CDYL: variants seen among roughly 807,000 people sequenced by gnomAD.
CDYL encodes chromodomain Y-like protein.
A neutral mutation model predicts 47.3 loss-of-function variants in CDYL; 8 were observed. The observed-to-expected ratio is 0.17, with a 90% CI of 0.10 to 0.31. CDYL has a LOEUF of 0.31. Ranked by LOEUF, CDYL falls within the 10% of genes least tolerant of loss-of-function variation. CDYL has a pLI of 1.00. For synonymous variants in CDYL, 266 were observed against 265.0 expected (o/e 1.00, Z -0.04); for missense variants, 471 against 701.4 (o/e 0.67, Z 3.71).
chr6:4,867,035 G>T (rs1188308054), intron 1 of CDYL, among the ~76,000 whole-genome samples: 1 of 152,070 alleles, frequency 6.6e-6, no homozygotes, highest in Non-Finnish European at 1.5e-5. Context: ...CCCATCATCA[G>T]TCGCCTAGCA....
chr6:4,851,773 C>T (rs1196850285), intron 1 of CDYL, among the ~76,000 whole-genome samples: 1 of 152,204 alleles, frequency 6.6e-6, no homozygotes, highest in Non-Finnish European at 1.5e-5. Flanking sequence ...AGAAGATGCA[C>T]ATGGCTGTCA....
In CDYL at chr6:4,894,927, G is replaced by GTATGTGTGCA. The variant is rs1561692465; in HGVS notation, c.691+2556_691+2557insCATATGTGTG. Among the ~76,000 whole-genome samples the GTATGTGTGCA allele has an allele frequency of 2.0e-5, 3 of 146,616 alleles. No homozygotes were observed. In the East Asian group the frequency reaches 6.2e-4, roughly 30 times the overall value. ...CGTACGTGTGTATATATACACATAT[G>GTATGTGTGCA]TATGTGTGTATATGTGTATGCATGT... On this transcript the variant is annotated intron_variant, in intron 2 of 6. Coordinates refer to ENST00000397588, the MANE Select transcript of CDYL (RefSeq NM_004824.4).
At chr6:4,814,314 A>G (rs972738549) in intron 1 of CDYL, among the ~76,000 whole-genome samples, 6 of 152,166 alleles carry the variant, frequency 3.9e-5, no homozygotes, top group Admixed American at 6.5e-5. Context: ...TAGAGTTGAA[A>G]TCATGAGAGG....
At chr6:4,826,621 G>C (rs1759989482) in intron 1 of CDYL, among the ~76,000 whole-genome samples, 1 of 152,146 alleles carries the variant, frequency 6.6e-6, no homozygotes, top group Admixed American at 6.5e-5. Flanking sequence ...GGTTGTTGAA[G>C]GAGGGTGTTG....
chr6:4,860,191 A>G (rs910112436), intron 1 of CDYL, among the ~76,000 whole-genome samples: 2 of 152,012 alleles, frequency 1.3e-5, no homozygotes, highest in African/African-American at 4.8e-5. Context: ...GTGAGCCACC[A>G]CGCCCAGCCA....
intron 2 of CDYL, among the ~76,000 whole-genome samples, chr6:4,918,536 C>G (rs931599262): frequency 1.3e-5 from 2 of 152,114 alleles, no homozygotes; most frequent in South Asian, 4.1e-4. Flanking sequence ...TCCCTATATG[C>G]TTAGTTAGAA....
intron 2 of CDYL, among the ~76,000 whole-genome samples, chr6:4,719,660 G>A (rs1282217068): frequency 6.6e-6 from 1 of 152,188 alleles, no homozygotes; most frequent in African/African-American, 2.4e-5. Context: ...GATGATGGGG[G>A]TTGATCCTTG....
At chr6:4,944,715 G>A (rs1758460959) in intron 5 of CDYL, among the ~76,000 whole-genome samples, 1 of 152,212 alleles carries the variant, frequency 6.6e-6, no homozygotes, top group Admixed American at 6.5e-5. Flanking sequence ...GCCAGAACCT[G>A]AAATGTTTAA....
chr6:4,765,778 G>A (rs1357451769), intron 3 of CDYL, among the ~76,000 whole-genome samples: 1 of 152,042 alleles, frequency 6.6e-6, no homozygotes, highest in East Asian at 1.9e-4. Context: ...TGGCCAGGCT[G>A]GTCTCGAACT....
chr6:4,723,545 C>T (rs1757414761), intron 2 of CDYL, among the ~76,000 whole-genome samples: 1 of 152,146 alleles, frequency 6.6e-6, no homozygotes, highest in South Asian at 2.1e-4. Context: ...CCTGAAAAGG[C>T]AGAGGAGGCT....
At chr6:4,952,797 T>G (rs1265128177) in intron 6 of CDYL, among the ~76,000 whole-genome samples, 2 of 152,064 alleles carry the variant, frequency 1.3e-5, no homozygotes, top group African/African-American at 2.4e-5. Flanking sequence ...AGATGGAGTC[T>G]CACTCTGTCG....
At chr6:4,736,659 C>CT (rs112053760) in intron 3 of CDYL, among the ~76,000 whole-genome samples, 2,893 of 144,296 alleles carry the variant, frequency 0.02, 23 homozygotes, top group Non-Finnish European at 0.026. Context: ...TGCTACTCAG[C>CT]TTTTTTTTTT....
At position 4,920,750 on chromosome 6, in the gene CDYL, G is replaced by A. The variant is rs1285226813; in HGVS notation, c.692-14765G>A. ...TCTCCTGCCTCCGCCTCTGGAGGTG[G>A]GATTACAGTCACGCGCCACCACATG... On this transcript the variant is annotated intron_variant, in intron 2 of 6. Coordinates refer to ENST00000397588, the MANE Select transcript of CDYL (RefSeq NM_004824.4). Among the ~76,000 whole-genome samples, 4 of 152,102 alleles carry A rather than the reference G, an allele frequency of 2.6e-5. No individual in the cohort carries two copies. The East Asian group carries it at 7.7e-4, about 29-fold the overall frequency.
At chr6:4,941,921 T>C (rs1758370502) in intron 4 of CDYL, among the ~76,000 whole-genome samples, 2 of 152,206 alleles carry the variant, frequency 1.3e-5, no homozygotes, top group South Asian at 4.1e-4. Flanking sequence ...CTGTTCCTTA[T>C]CATTGAGAGA....
intron 2 of CDYL, among the ~76,000 whole-genome samples, chr6:4,905,554 A>G (rs907280718): frequency 7.9e-5 from 12 of 152,088 alleles, no homozygotes; most frequent in Non-Finnish European, 1.6e-4. Flanking sequence ...TGAACTGCTG[A>G]GTTTGAAGTA....
chr6:4,819,162 C>G (rs13213707), intron 1 of CDYL, among the ~76,000 whole-genome samples: 4,739 of 111,440 alleles, frequency 0.043, 175 homozygotes, highest in African/African-American at 0.12. Flanking sequence ...CTCTCTCTCT[C>G]TGTGTGTGTG....
At position 4,707,464 on chromosome 6, in the gene CDYL, G is replaced by A. The variant is rs144091631; in HGVS notation, c.-39+1213G>A. Among the ~76,000 whole-genome samples, 21 of 152,250 alleles carry A rather than the reference G, an allele frequency of 1.4e-4. 1 individual carries two copies. The East Asian group carries it at 3.9e-3, about 28-fold the overall frequency. On this transcript the variant is annotated intron_variant, in intron 1 of 8. Coordinates refer to the CDYL transcript ENST00000328908. ...ATTTTTTGTATTTTTAATAGAGACT[G>A]GGTTTCACCACGTTGGCCAGGATGG...
chr6:4,756,390 G>C (rs1357469170), intron 3 of CDYL, among the ~76,000 whole-genome samples: 1 of 152,020 alleles, frequency 6.6e-6, no homozygotes, highest in Non-Finnish European at 1.5e-5. Flanking sequence ...TGCTCACTCA[G>C]CCTTGCCTCT....
At chr6:4,850,474 A>G (rs932115589) in intron 1 of CDYL, among the ~76,000 whole-genome samples, 6 of 152,156 alleles carry the variant, frequency 3.9e-5, no homozygotes, top group African/African-American at 1.2e-4. Context: ...TTATTTTCCT[A>G]TTACTTACTC....
Sources: allele counts gnomAD v4.1 joint callset (sites outside exome capture counted in the v4.1 genomes callset), GRCh38; gene constraint gnomAD v4.1.1; transcripts MANE v1.5; gene names NCBI Gene and HGNC (gene_info 2026-07-23, HGNC 2026-07-21).